The following RAP1A variants were observed in gnomAD, a reference collection of about 807,000 sequenced individuals.
RAP1A encodes ras-related protein Rap-1A.
RAP1A carries 6 observed loss-of-function variants against 26.4 expected under a neutral mutation model. The ratio of observed to expected loss-of-function variants is 0.23; its 90% confidence interval spans 0.12 to 0.45. The LOEUF is 0.45. Among genes scored for constraint, RAP1A ranks in the 20% least tolerant of loss-of-function variants. The pLI, the probability that RAP1A is intolerant of heterozygous loss-of-function variation, is 0.99. For missense variants in RAP1A, 121 were observed against 217.2 expected, an observed-to-expected ratio of 0.56 and a Z score of 2.78; for synonymous variants, 73 against 79.4, an observed-to-expected ratio of 0.92 and a Z score of 0.43.
chr1:111,576,794 ACTAGGAGGTAGGCCTCCACGTGGC>A (rs1658154305), intron 1 of RAP1A, among the ~76,000 whole-genome samples: 1 of 152,220 alleles, frequency 6.6e-6, no homozygotes, highest in Non-Finnish European at 1.5e-5. Context: ...TAACGAAGCT[ACTAGGAGGTAGGCCTCCACGTGGC>A]CTGCAGCCAG....
At chr1:111,604,022 G>A (rs1183598779) in intron 1 of RAP1A, among the ~76,000 whole-genome samples, 2 of 152,220 alleles carry the variant, frequency 1.3e-5, no homozygotes, top group Non-Finnish European at 2.9e-5. Flanking sequence ...CATTTACAAT[G>A]TGCCATCCCA....
chr1:111,597,587 A>G (rs1320031075), intron 1 of RAP1A, among the ~76,000 whole-genome samples: 2 of 152,238 alleles, frequency 1.3e-5, no homozygotes, highest in Non-Finnish European at 2.9e-5. Context: ...AGAAAAAGCG[A>G]TATTTAAAAA....
In RAP1A at chr1:111,572,479, A is replaced by T. The variant is rs1222169918; in HGVS notation, c.-28+29970A>T. 3.9e-5 allele frequency among the ~76,000 whole-genome samples: 6 copies of T among 152,206 alleles called. No individual in the cohort carries two copies. In the East Asian group the frequency reaches 1.2e-3, roughly 29 times the overall value. On this transcript the variant is annotated intron_variant, in intron 1 of 7. Coordinates refer to the RAP1A transcript ENST00000356415. ...GAATGGACAATGCTTGAGATGTTCC[A>T]TTTATCCCCTGATTCACTTCTCATC...
chr1:111,681,431 G>A (rs1571555841), intron 1 of RAP1A, among the ~76,000 whole-genome samples: 2 of 152,196 alleles, frequency 1.3e-5, no homozygotes, highest in African/African-American at 4.8e-5. Flanking sequence ...CTAACCCAAT[G>A]CAAGGAAGCT....
At chr1:111,704,507 A>G in intron 6 of RAP1A, 21 bp downstream of exon 6, 1 of 1,567,958 alleles carries the variant, frequency 6.4e-7, no homozygotes, top group Non-Finnish European at 8.7e-7. Context: ...ACTGCTGGGC[A>G]GCACAAACAA....
chr1:111,570,364 A>AT (rs1318427865), intron 1 of RAP1A, among the ~76,000 whole-genome samples: 3 of 152,130 alleles, frequency 2.0e-5, no homozygotes, highest in Admixed American at 6.5e-5. Flanking sequence ...TGAATAGTGC[A>AT]TTTTTTCATG....
At chr1:111,599,943 G>GT (rs973651819) in intron 1 of RAP1A, 7 of 151,176 alleles carry the variant, frequency 4.6e-5, no homozygotes, top group East Asian at 3.9e-4. Context: ...GTGAGATAAG[G>GT]TTTTTTTTTA....
chr1:111,564,582 G>C (rs575029682), intron 1 of RAP1A, among the ~76,000 whole-genome samples: 8 of 146,012 alleles, frequency 5.5e-5, no homozygotes, highest in African/African-American at 1.8e-4. Context: ...GCACGATCTC[G>C]GCTCACTGCA....
chr1:111,544,826 G>T (rs1171414077), intron 1 of RAP1A, among the ~76,000 whole-genome samples: 1 of 116,874 alleles, frequency 8.6e-6, no homozygotes. Flanking sequence ...AATTTCTTGG[G>T]TATATCCAAT....
chr1:111,603,230 C>T (rs1005319313), intron 1 of RAP1A, among the ~76,000 whole-genome samples: 2 of 152,196 alleles, frequency 1.3e-5, no homozygotes, highest in South Asian at 2.1e-4. Flanking sequence ...TTCCCAGAGA[C>T]GACATGAATG....
chr1:111,634,158 T>C (rs1022019414), intron 1 of RAP1A, among the ~76,000 whole-genome samples: 1 of 152,244 alleles, frequency 6.6e-6, no homozygotes, highest in Admixed American at 6.5e-5. Flanking sequence ...AGAAATTGGC[T>C]GTTTAATCAG....
At chr1:111,647,801 C>T (rs1660119500) in intron 1 of RAP1A, among the ~76,000 whole-genome samples, 1 of 151,680 alleles carries the variant, frequency 6.6e-6, no homozygotes, top group South Asian at 2.1e-4. Context: ...TCTCAAAGTG[C>T]TAGGATTACT....
rs188754923 is a variant in RAP1A at position 111,715,278 on chromosome 1, A to T, written c.*2877A>T. The T allele has an allele frequency of 6.7e-6, 1 of 150,288 alleles. No homozygotes were observed. The highest frequency in any genetic ancestry group is 6.7e-5 in the Admixed American group (1 of 15,028). The allele number at this position is 150,288 out of a possible 1,614,324, so 9.3% of individuals were successfully genotyped here. ...TTTTTAGTAGAGACGGGGTTTCATC[A>T]TGTTGGCGAGGCTGGTCTTGAACTC... On this transcript the variant is annotated 3_prime_UTR_variant, in exon 8 of 8. Coordinates refer to ENST00000369709, the MANE Select transcript of RAP1A (RefSeq NM_002884.4).
chr1:111,661,687 T>C (rs1660642148), intron 1 of RAP1A, among the ~76,000 whole-genome samples: 1 of 150,912 alleles, frequency 6.6e-6, no homozygotes, highest in South Asian at 2.1e-4. Flanking sequence ...TAATCCCAGC[T>C]ACTCAGGAGG....
chr1:111,625,364 C>G (rs1456795184), intron 1 of RAP1A, among the ~76,000 whole-genome samples: 1 of 151,524 alleles, frequency 6.6e-6, no homozygotes, highest in Non-Finnish European at 1.5e-5. Flanking sequence ...AAAGACAAAA[C>G]TATAAAAAGA....
At chr1:111,542,046 A>C (rs978333163), upstream of RAP1A, among the ~76,000 whole-genome samples, 4 of 151,500 alleles carry the variant, frequency 2.6e-5, no homozygotes, top group Admixed American at 2.6e-4. Context: ...AAAGAGGAAT[A>C]CCTCTCTTAA....
chr1:111,570,318 C>T (rs897554845), intron 1 of RAP1A, among the ~76,000 whole-genome samples: 11 of 152,148 alleles, frequency 7.2e-5, no homozygotes, highest in African/African-American at 2.4e-4. Flanking sequence ...CAAGGTCAAA[C>T]CAAGGTTGAA....
chr1:111,669,203 G>T (rs1660898492), intron 1 of RAP1A, among the ~76,000 whole-genome samples: 1 of 152,000 alleles, frequency 6.6e-6, no homozygotes, highest in Admixed American at 6.6e-5. Context: ...AAAGAAAATT[G>T]GACAACCATA....
At chr1:111,694,215 G>A (rs958686738) in intron 2 of RAP1A, among the ~76,000 whole-genome samples, 2 of 152,120 alleles carry the variant, frequency 1.3e-5, no homozygotes, top group Admixed American at 6.5e-5. Context: ...TAAATTATGT[G>A]TCGTACTTAG....
Sources: gnomAD v4.1 joint callset for allele counts (sites outside exome capture counted in the v4.1 genomes callset) on GRCh38, gnomAD v4.1.1 for gene constraint, MANE v1.5 for transcripts, NCBI Gene and HGNC (gene_info 2026-07-23, HGNC 2026-07-21) for gene names.